Variants in ZNF469 observed in about 807,000 individuals in gnomAD.
ZNF469 encodes the protein zinc finger protein 469.
In ZNF469, 1 loss-of-function variant was observed where a neutral mutation model predicts 1.0. That is an observed-to-expected ratio of 1.00 (90% CI 0.35 to 4.73). The LOEUF (loss-of-function observed/expected upper bound fraction) is 4.73, where lower values mean the gene tolerates loss of function less well. Ranked by LOEUF, ZNF469 falls within the 30% of genes most tolerant of loss-of-function variation. The pLI is 0.16. For synonymous variants in ZNF469, 2,703 were observed against 2,363.4 expected (o/e 1.14, Z -4.17); for missense variants, 6,100 against 5,356.3 (o/e 1.14, Z -4.33).
At chr16:88,183,250 GAC>G in the ZNF469 span, among the ~76,000 whole-genome samples, 1 of 152,212 alleles carries the variant, frequency 6.6e-6, no homozygotes, top group Non-Finnish European at 1.5e-5. Context: ...CCATTTGGAA[GAC>G]AGTTGAGCTG....
chr16:88,293,267 T>C, the ZNF469 span, among the ~76,000 whole-genome samples: 1 of 150,844 alleles, frequency 6.6e-6, no homozygotes, highest in Non-Finnish European at 1.5e-5. Context: ...GACAGGAAGA[T>C]GGGTGGATGG....
At chr16:88,421,604 G>T (rs1905460369) in intron 1 of ZNF469, among the ~76,000 whole-genome samples, 1 of 152,244 alleles carries the variant, frequency 6.6e-6, no homozygotes, top group Non-Finnish European at 1.5e-5. Flanking sequence ...TCCTGGGGCA[G>T]AGGAAAGGGG....
intron 1 of ZNF469, among the ~76,000 whole-genome samples, chr16:88,398,063 C>G (rs1904741010): frequency 6.6e-6 from 1 of 152,248 alleles, no homozygotes; most frequent in Non-Finnish European, 1.5e-5. Context: ...TCAGAGAAAG[C>G]AAAACAAAGC....
the ZNF469 span, among the ~76,000 whole-genome samples, chr16:88,103,698 AG>A: frequency 6.6e-6 from 1 of 151,654 alleles, no homozygotes; most frequent in Non-Finnish European, 1.5e-5. Flanking sequence ...CCGTGGCACG[AG>A]GAAGCGCTGG....
At chr16:88,274,833 T>C in the ZNF469 span, among the ~76,000 whole-genome samples, 1 of 152,238 alleles carries the variant, frequency 6.6e-6, no homozygotes, top group Non-Finnish European at 1.5e-5. Flanking sequence ...CCTGAGAACC[T>C]TCTCATGGAC....
chr16:88,401,637 GGATGGATA>G (rs1904866912), intron 1 of ZNF469, among the ~76,000 whole-genome samples: 5 of 151,598 alleles, frequency 3.3e-5, no homozygotes, highest in African/African-American at 4.8e-5. Context: ...ATGGATGGAT[GGATGGATA>G]CATGGGTGGA....
In ZNF469 at chr16:88,435,320, G is replaced by A. The variant is rs200019229; in HGVS notation, c.7850G>A (p.Arg2617Gln). The A allele has an allele frequency of 3.9e-4, 606 of 1,550,354 alleles. No individual in the cohort carries two copies. Among genetic ancestry groups the A allele is most frequent in the South Asian group, 8.6e-4 (72 of 84,052 alleles). ...AEKREGRRWR[R>Q]EPTVDSPSHS... ...AAAAGAGAAGGCCGGAGGTGGCGCC[G>A]AGAGCCCACCGTGGACTCTCCTAGC... is the stretch of plus-strand genomic sequence containing the variant. The change falls in exon 3 of 3, where the codon CGA becomes CAA. Residue 2617 changes from arginine to glutamine, a missense_variant. By Grantham distance (43) the Arg-to-Gln change is conservative. Transcript: ENST00000565624.
In ZNF469 at chr16:88,433,914, G is replaced by C. The variant is rs1027831399; in HGVS notation, c.6444G>C (p.Gly2148=). The change falls in exon 3 of 3, where the codon GGG becomes GGC. Residue 2148 remains glycine, a synonymous_variant. Transcript: ENST00000565624. ...SPSRAQGGLG[G]QLPASPSCRD... ...CCAGGGCCCAAGGTGGGCTGGGGGG[G>C]CAGCTGCCAGCATCTCCGTCCTGCA... 3.2e-6 allele frequency: 5 copies of C among 1,549,292 alleles called. No individual in the cohort carries two copies. The highest frequency in any genetic ancestry group is 1.7e-4 in the Middle Eastern group (1 of 5,992).
chr16:88,201,195 A>G, the ZNF469 span, among the ~76,000 whole-genome samples: 1 of 152,242 alleles, frequency 6.6e-6, no homozygotes, highest in South Asian at 2.1e-4. The surrounding 1 kb of genome is among the most constrained non-coding windows in gnomAD (Gnocchi z 5.0). Flanking sequence ...ACGGGGCAGA[A>G]GGTGAATGCA....
At chr16:88,106,779 A>T in the ZNF469 span, among the ~76,000 whole-genome samples, 1 of 152,240 alleles carries the variant, frequency 6.6e-6, no homozygotes, top group Non-Finnish European at 1.5e-5. Flanking sequence ...CATGGGACGG[A>T]GCTCAGCTCA....
At chr16:88,325,542 C>T in the ZNF469 span, among the ~76,000 whole-genome samples, 3 of 152,238 alleles carry the variant, frequency 2.0e-5, no homozygotes, top group South Asian at 2.1e-4. Flanking sequence ...GTGGTGGCGC[C>T]AAGCCCAGCA....
At chr16:88,353,315 A>G in the ZNF469 span, among the ~76,000 whole-genome samples, 326 of 152,138 alleles carry the variant, frequency 2.1e-3, 2 homozygotes, top group African/African-American at 7.5e-3. Flanking sequence ...TCCTCCACGC[A>G]GGAACCACCG....
chr16:88,264,309 C>T, the ZNF469 span, among the ~76,000 whole-genome samples: 1 of 152,010 alleles, frequency 6.6e-6, no homozygotes, highest in Admixed American at 6.5e-5. Context: ...CCTCATGCAG[C>T]TCAACTCCCA....
chr16:88,193,036 ATGGTGGTGG>A, the ZNF469 span, among the ~76,000 whole-genome samples: 1 of 43,132 alleles, frequency 2.3e-5, no homozygotes, highest in Admixed American at 1.9e-4. Context: ...GATGGTGGTG[ATGGTGGTGG>A]TGATGATGGT....
At chr16:88,401,909 G>GGGAT (rs1224224047) in intron 1 of ZNF469, among the ~76,000 whole-genome samples, 7 of 96,318 alleles carry the variant, frequency 7.3e-5, no homozygotes, top group Non-Finnish European at 1.2e-4. Context: ...GATGGATGGA[G>GGGAT]GGATGGATGG....
At chr16:88,196,380 CA>C in the ZNF469 span, among the ~76,000 whole-genome samples, 1 of 152,160 alleles carries the variant, frequency 6.6e-6, no homozygotes, top group Non-Finnish European at 1.5e-5. Flanking sequence ...CCTAGTTCAG[CA>C]AAGCCATCGG....
At chr16:88,115,301 T>C in the ZNF469 span, among the ~76,000 whole-genome samples, 7 of 152,124 alleles carry the variant, frequency 4.6e-5, no homozygotes, top group Admixed American at 6.5e-5. Flanking sequence ...TAGATATATA[T>C]TATTTTCATA....
chr16:88,387,109 A>G (rs1422269350), intron 1 of ZNF469, among the ~76,000 whole-genome samples: 1 of 152,020 alleles, frequency 6.6e-6, no homozygotes. Flanking sequence ...GTGTCCACCC[A>G]GGGGAGCGCC....
chr16:88,115,853 A>G, the ZNF469 span, among the ~76,000 whole-genome samples: 1 of 152,096 alleles, frequency 6.6e-6, no homozygotes, highest in African/African-American at 2.4e-5. Flanking sequence ...CACTCCAGGT[A>G]TTCCTGGGCT....
Sources: allele counts gnomAD v4.1 joint callset (sites outside exome capture counted in the v4.1 genomes callset), GRCh38; gene constraint gnomAD v4.1.1; non-coding constraint Gnocchi (gnomAD v3.1); transcripts MANE v1.5; gene names NCBI Gene and HGNC (gene_info 2026-07-23, HGNC 2026-07-21).